U2AF2: variants seen among roughly 807,000 people sequenced by gnomAD.
The protein encoded by U2AF2 is U2 small nuclear RNA auxiliary factor 2, also known as splicing factor U2AF 65 kDa subunit.
A neutral mutation model predicts 52.6 loss-of-function variants in U2AF2; 6 were observed. That is an observed-to-expected ratio of 0.11 (90% CI 0.06 to 0.23). The LOEUF (loss-of-function observed/expected upper bound fraction) is 0.23. Ranked by LOEUF, U2AF2 falls within the 10% of genes least tolerant of loss-of-function variation. The probability of loss-of-function intolerance (pLI) is 1.00; values close to 1 mark genes in which losing one functional copy is unlikely to be tolerated. For synonymous variants in U2AF2, 284 were observed against 258.2 expected, an observed-to-expected ratio of 1.10 and a Z score of -0.96; for missense variants, 222 against 677.1, an observed-to-expected ratio of 0.33 and a Z score of 7.46.
chr19:55,661,326 CG>C, intron 5 of U2AF2, 137 bp downstream of exon 5: 1 of 1,013,930 alleles, frequency 9.9e-7, no homozygotes, highest in Non-Finnish European at 1.3e-6. Flanking sequence ...CCAGACGGAC[CG>C]ATGGAGTTGA....
rs758518184 is a variant in U2AF2, at chr19:55,668,741, C to T, written c.894C>T (p.Leu298=). The change falls in exon 9 of 12, where the codon CTC becomes CTT. Residue 298 remains leucine (L), a synonymous_variant. Coordinates refer to ENST00000308924, the MANE Select transcript of U2AF2 (RefSeq NM_007279.3). The surrounding 1 kb of genome is among the most constrained non-coding windows in gnomAD (Gnocchi z 5.5). ...TGGTCAAGGACAGTGCCACGGGGCTCTCCAAGGGCTACGCCTTCTGTGAGT... is the reference window on the plus strand; with the variant it reads ...TGGTCAAGGACAGTGCCACGGGGCTTTCCAAGGGCTACGCCTTCTGTGAGT... The part of the protein sequence containing the change: ...FNLVKDSATG[L]SKGYAFCEYV... 6 of 1,613,774 alleles carry T rather than the reference C, an allele frequency of 3.7e-6. No individual in the cohort carries two copies. Among genetic ancestry groups the T allele is most frequent in the Admixed American group, 3.3e-5 (2 of 59,996 alleles).
intron 1 of U2AF2, among the ~76,000 whole-genome samples, chr19:55,657,270 G>T (rs1326996630): frequency 1.3e-5 from 2 of 152,232 alleles, no homozygotes; most frequent in African/African-American, 2.4e-5. Flanking sequence ...AGCAAACGAA[G>T]CTCTCATTGT....
chr19:55,665,660 G>GT (rs1407641592), intron 7 of U2AF2, among the ~76,000 whole-genome samples: 1 of 152,088 alleles, frequency 6.6e-6, no homozygotes, highest in Non-Finnish European at 1.5e-5. Flanking sequence ...TTTTTGTTGT[G>GT]TTTTTTGAGA....
At chr19:55,662,135 C>G in intron 5 of U2AF2, 1 of 183,772 alleles carries the variant, frequency 5.4e-6, no homozygotes, top group Non-Finnish European at 1.2e-5. Context: ...TGCTCTGTCT[C>G]TTCATCTCTT....
intron 11 of U2AF2, 46 bp downstream of exon 11, chr19:55,669,738 T>C: frequency 6.5e-7 from 1 of 1,537,052 alleles, no homozygotes. Flanking sequence ...CTGCCCCTCC[T>C]CTTCTCCGCG....
chr19:55,664,843 G>A lies in U2AF2; in HGVS notation c.742+1099G>A, dbSNP rs528176760. Among the ~76,000 whole-genome samples, 4 of 152,204 alleles carry A rather than the reference G, an allele frequency of 2.6e-5. No individual in the cohort carries two copies. The East Asian group carries it at 7.7e-4, about 29-fold the overall frequency. On this transcript the variant is annotated intron_variant, in intron 7 of 11. Transcript: ENST00000308924. Reference sequence around the variant, plus strand: ...AGCAATTCTCCTGCTTCAGCCTCCCGAGCAGCTGGGATTACAGGCACCTGC... The same window carrying A: ...AGCAATTCTCCTGCTTCAGCCTCCCAAGCAGCTGGGATTACAGGCACCTGC...
chr19:55,660,748 G>A (rs1385172578), intron 4 of U2AF2, 129 bp downstream of exon 4: 4 of 956,828 alleles, frequency 4.2e-6, no homozygotes, highest in Middle Eastern at 2.2e-4. Flanking sequence ...ACCCCTGGGG[G>A]TTCTGGTCTC....
chr19:55,655,519 T>C (rs1399608012), intron 1 of U2AF2, among the ~76,000 whole-genome samples: 1 of 152,260 alleles, frequency 6.6e-6, no homozygotes, highest in Non-Finnish European at 1.5e-5. Flanking sequence ...TTAGTCCCCG[T>C]AATCTCTTTT....
chr19:55,673,737 T>C (rs1985085247), intron 11 of U2AF2, among the ~76,000 whole-genome samples, 197 bp from the exon 12 acceptor site: 1 of 152,236 alleles, frequency 6.6e-6, no homozygotes, highest in South Asian at 2.1e-4. Flanking sequence ...ATGGTGTGTT[T>C]ATGCTCTTGT....
At chr19:55,656,194 G>C (rs1216783378) in intron 1 of U2AF2, among the ~76,000 whole-genome samples, 2 of 152,356 alleles carry the variant, frequency 1.3e-5, no homozygotes, top group Non-Finnish European at 2.9e-5. Flanking sequence ...GTTTCAGTTT[G>C]TGAAGAAATA....
intron 11 of U2AF2, chr19:55,671,959 T>C (rs1984947951): frequency 6.6e-6 from 1 of 152,092 alleles, no homozygotes; most frequent in South Asian, 2.1e-4. Flanking sequence ...ACCCCATCTC[T>C]ACTAAAAAAT....
chr19:55,674,121 C>T lies in U2AF2; in HGVS notation c.*53C>T. On this transcript the variant is annotated 3_prime_UTR_variant, in exon 12 of 12. Transcript: ENST00000308924. ...GCTGGCTGGGGGCTTCTCCCCACTC[C>T]CGCCCCCCCCTTATCCCCCTCTGAA... The T allele has an allele frequency of 6.6e-6, 10 of 1,526,396 alleles. No individual in the cohort carries two copies. The highest frequency in any genetic ancestry group is 8.8e-6 in the Non-Finnish European group (10 of 1,137,380). 94.6% of individuals were successfully genotyped at this position (1,526,396 alleles called of 1,614,324 possible). A position where few individuals can be genotyped will look rare whatever the true frequency, so the allele number is the denominator to read the frequency against.
rs1401121177 is a variant in U2AF2 at position 55,661,069 on chromosome 19, C to G, written c.366C>G (p.Leu122=). Residue 122 remains leucine (L), a synonymous_variant, in exon 5 of 12, where the codon CTC becomes CTG. Coordinates refer to ENST00000308924, the MANE Select transcript of U2AF2 (RefSeq NM_007279.3). The part of the protein sequence containing the change: ...AAGQIPATAL[L]PTMTPDGLAV... ...GTCAGATTCCAGCCACTGCTCTTCT[C>G]CCCACCATGACCCCTGACGGTCTGG... The G allele has an allele frequency of 1.3e-6, 2 of 1,595,226 alleles. No homozygotes were observed. The highest frequency in any genetic ancestry group is 1.7e-5 in the Admixed American group (1 of 59,324).
chr19:55,669,272 C>A (rs1413193500), intron 10 of U2AF2, 91 bp downstream of exon 10: 4 of 1,557,662 alleles, frequency 2.6e-6, no homozygotes, highest in African/African-American at 2.7e-5. Flanking sequence ...TCCCAGCTTT[C>A]ATGGGAAGGC....
intron 11 of U2AF2, chr19:55,670,856 C>T (rs566822459): frequency 6.3e-6 from 1 of 157,608 alleles, no homozygotes; most frequent in South Asian, 1.7e-4. Flanking sequence ...AGGTACTTCC[C>T]CTGGCCCTGG....
chr19:55,660,879 G>C (rs911519474), intron 4 of U2AF2, among the ~76,000 whole-genome samples, 159 bp from the exon 5 acceptor site: 1 of 152,126 alleles, frequency 6.6e-6, no homozygotes, highest in African/African-American at 2.4e-5. Flanking sequence ...GCAGTTACTG[G>C]GTGGGGGCCC....
chr19:55,669,354 C>T, intron 10 of U2AF2, 90 bp from the exon 11 acceptor site: 2 of 1,543,764 alleles, frequency 1.3e-6, no homozygotes, highest in Non-Finnish European at 1.7e-6. Context: ...TGGCCTTTCC[C>T]CTGGGGGGGC....
chr19:55,669,026 C>G (rs1984717065), intron 9 of U2AF2, 57 bp from the exon 10 acceptor site: 1 of 1,581,752 alleles, frequency 6.3e-7, no homozygotes, highest in Non-Finnish European at 8.6e-7. Context: ...TGTCGGGCTC[C>G]TGGTCCCTGA....
intron 7 of U2AF2, chr19:55,663,947 C>A (rs1195643806): frequency 3.0e-6 from 2 of 669,586 alleles, no homozygotes; most frequent in Non-Finnish European, 4.8e-6. Flanking sequence ...GGAGAATGAG[C>A]TGTCACCTGC....
Sources: gnomAD v4.1 joint callset for allele counts (sites outside exome capture counted in the v4.1 genomes callset) on GRCh38, gnomAD v4.1.1 for gene constraint, Gnocchi (gnomAD v3.1) non-coding constraint, MANE v1.5 for transcripts, NCBI Gene and HGNC (gene_info 2026-07-23, HGNC 2026-07-21) for gene names.